SRP72: variants seen among roughly 807,000 people sequenced by gnomAD.
SRP72 encodes the protein signal recognition particle subunit SRP72.
A neutral mutation model predicts 96.3 loss-of-function variants in SRP72; 49 were observed. That is an observed-to-expected ratio of 0.51 (90% CI 0.40 to 0.65). The LOEUF (loss-of-function observed/expected upper bound fraction) is 0.65, where lower values mean the gene tolerates loss of function less well. Ranked by LOEUF, SRP72 falls within the 30% of genes least tolerant of loss-of-function variation. The probability of loss-of-function intolerance (pLI) is 0.00; values close to 1 mark genes in which losing one functional copy is unlikely to be tolerated. For missense variants in SRP72, 736 were observed against 793.3 expected (o/e 0.93, Z 0.87); for synonymous variants, 267 against 275.2 (o/e 0.97, Z 0.30).
At position 56,471,700 on chromosome 4, in the gene SRP72, G is replaced by GTTTTTTTTTTTTTTTTTTTTTT; in HGVS notation, c.231-11_231-10insTTTTTTTTTTTTTTTTTTTTTT. On this transcript the variant is annotated intron_variant, in intron 2 of 18. Transcript: ENST00000642900. ...CATTGTTAGATAATAATCAGATACT[G>GTTTTTTTTTTTTTTTTTTTTTT]TTTTTTTTTCCTTCTTCAGTAACTC... 1 of 1,568,088 alleles carries GTTTTTTTTTTTTTTTTTTTTTT rather than the reference G, an allele frequency of 6.4e-7. No homozygotes were observed. Among genetic ancestry groups the GTTTTTTTTTTTTTTTTTTTTTT allele is most frequent in the Non-Finnish European group, 8.7e-7 (1 of 1,147,546 alleles).
chr4:56,470,532 C>T (rs533910358), intron 2 of SRP72, among the ~76,000 whole-genome samples: 47 of 130,394 alleles, frequency 3.6e-4, no homozygotes, highest in African/African-American at 1.0e-3. Flanking sequence ...GGGGAGACTC[C>T]GTCTCAAAAA....
At position 56,471,884 on chromosome 4, in the gene SRP72, G is replaced by C. The variant is rs775308304; in HGVS notation, c.354+41G>C. 6.8e-6 allele frequency: 11 copies of C among 1,608,594 alleles called. No homozygotes were observed. The Admixed American group carries it at 1.8e-4, about 27-fold the overall frequency. ...AAATACATGTTGACAGTGATACTGAGTGAGCATGACTACCTCTAGCAAGGA... is the reference window on the plus strand; with the variant it reads ...AAATACATGTTGACAGTGATACTGACTGAGCATGACTACCTCTAGCAAGGA... On this transcript the variant is annotated intron_variant, in intron 3 of 18. Coordinates refer to ENST00000642900, the MANE Select transcript of SRP72 (RefSeq NM_006947.4).
chr4:56,484,326 G>T (rs916600743), intron 9 of SRP72, among the ~76,000 whole-genome samples: 3 of 151,910 alleles, frequency 2.0e-5, no homozygotes, highest in Admixed American at 6.6e-5. Context: ...GAGCCACCAC[G>T]CCCGGCCGAG....
intron 8 of SRP72, among the ~76,000 whole-genome samples, chr4:56,482,509 C>G (rs570510671): frequency 4.0e-4 from 61 of 151,880 alleles, no homozygotes; most frequent in South Asian, 1.7e-3. Context: ...TAATAGACAA[C>G]AATATAGTGT....
At chr4:56,475,553 C>T (rs1409837396) in intron 5 of SRP72, 6 of 133,340 alleles carry the variant, frequency 4.5e-5, no homozygotes, top group Non-Finnish European at 7.7e-5. Context: ...CAGAGTGAGA[C>T]GCTGTCTCAA....
chr4:56,479,937 C>G (rs1720414149), intron 8 of SRP72, among the ~76,000 whole-genome samples: 1 of 152,190 alleles, frequency 6.6e-6, no homozygotes, highest in African/African-American at 2.4e-5. Context: ...TAGTCCTTAT[C>G]TCTGTAGGAG....
Position 56,499,722 on chromosome 4 carries a change from C to G in SRP72, c.1679-814C>G, listed in dbSNP as rs181837934. 2.6e-5 allele frequency among the ~76,000 whole-genome samples: 4 copies of G among 152,230 alleles called. No homozygotes were observed. In the East Asian group the frequency reaches 5.8e-4, roughly 22 times the overall value. On this transcript the variant is annotated intron_variant, in intron 17 of 18. Transcript: ENST00000642900. ...TTAAAAAGTCAGGAAACAACAGATG[C>G]TGGAGAGGATGTGGAGAAATAGGAA...
At chr4:56,476,343 T>C in intron 5 of SRP72, 1 of 310,386 alleles carries the variant, frequency 3.2e-6, no homozygotes, top group Admixed American at 5.3e-5. Flanking sequence ...AGTGTTTATC[T>C]CTGGGTGGTA....
At chr4:56,486,438 A>G in intron 11 of SRP72, 41 bp downstream of exon 11, 2 of 1,504,854 alleles carry the variant, frequency 1.3e-6, no homozygotes, top group East Asian at 2.3e-5. Flanking sequence ...TTTAATGAAA[A>G]CATGTTTGGA....
rs1315467962 is a variant in SRP72, at chr4:56,469,719, G to A, written c.176G>A (p.Gly59Glu). Residue 59 changes from glycine to glutamate, a missense_variant, in exon 2 of 19, where the codon GGA (glycine) becomes GAA (glutamate). Around this residue, in one of 3 missense-constraint regions of SRP72, gnomAD observed 329 missense variants for 319.0 expected, o/e 1.03. Transcript: ENST00000642900. Reference protein sequence around the residue: ...HCKVVCLIQNGSFKEALNVIN... With the variant: ...HCKVVCLIQNESFKEALNVIN... ...AAAGTGGTATGCCTTATCCAGAATG[G>A]AAGTTTCAAGGAAGCTTTGAATGTC... 6.2e-7 allele frequency: 1 copy of A among 1,612,626 alleles called. No homozygotes were observed. The highest frequency in any genetic ancestry group is 8.5e-7 in the Non-Finnish European group (1 of 1,179,062).
intron 9 of SRP72, 44 bp downstream of exon 9, chr4:56,483,314 T>C (rs1720572954): frequency 6.3e-7 from 1 of 1,584,312 alleles, no homozygotes; most frequent in Non-Finnish European, 8.6e-7. Context: ...TTTTGTAATA[T>C]GGTATATGAG....
intron 8 of SRP72, among the ~76,000 whole-genome samples, chr4:56,481,183 T>G (rs1448794463): frequency 6.6e-6 from 1 of 152,248 alleles, no homozygotes; most frequent in African/African-American, 2.4e-5. Context: ...TAAAGTAGTT[T>G]CAAATTGGTT....
At chr4:56,478,152 TTC>T (rs1303062927) in intron 6 of SRP72, among the ~76,000 whole-genome samples, 13 of 148,152 alleles carry the variant, frequency 8.8e-5, no homozygotes, top group Admixed American at 3.4e-4. Context: ...TTTTTGCCTT[TTC>T]TTTTTTTTTT....
chr4:56,478,531 A>T, intron 7 of SRP72, 28 bp downstream of exon 7: 1 of 1,613,276 alleles, frequency 6.2e-7, no homozygotes, highest in Non-Finnish European at 8.5e-7. Flanking sequence ...AGTGTCTTTT[A>T]TAGGGGATGG....
At chr4:56,472,920 T>C (rs187002045) in intron 3 of SRP72, among the ~76,000 whole-genome samples, 3 of 152,310 alleles carry the variant, frequency 2.0e-5, no homozygotes, top group Admixed American at 2.0e-4. Context: ...ACAACTTGAA[T>C]GAAATCAGTA....
chr4:56,501,652 A>G (rs1423921861), intron 18 of SRP72, 32 bp from the exon 19 acceptor site: 30 of 1,602,982 alleles, frequency 1.9e-5, no homozygotes, highest in Non-Finnish European at 2.2e-5. Flanking sequence ...CGTTGAATAT[A>G]TGAGTGACCA....
intron 15 of SRP72, among the ~76,000 whole-genome samples, chr4:56,491,126 A>T (rs1053553929): frequency 1.3e-5 from 2 of 152,224 alleles, no homozygotes; most frequent in Non-Finnish European, 2.9e-5. Context: ...GTCACAAGTC[A>T]TAAACTTGAT....
At chr4:56,490,695 C>A in intron 15 of SRP72, 50 bp downstream of exon 15, 2 of 1,435,874 alleles carry the variant, frequency 1.4e-6, no homozygotes, top group Non-Finnish European at 9.8e-7. Context: ...CACAATAGAT[C>A]TCTTCTGATA....
chr4:56,491,394 G>A, intron 15 of SRP72, 37 bp from the exon 16 acceptor site: 5 of 1,604,510 alleles, frequency 3.1e-6, no homozygotes, highest in Non-Finnish European at 4.3e-6. Flanking sequence ...GTGTGTGTTT[G>A]TGTATATTAT....
Sources: allele counts gnomAD v4.1 joint callset (sites outside exome capture counted in the v4.1 genomes callset), GRCh38; gene constraint gnomAD v4.1.1; regional missense constraint gnomAD v4.1.1; transcripts MANE v1.5; gene names NCBI Gene and HGNC (gene_info 2026-07-23, HGNC 2026-07-21).